Variants in GPR107 observed in about 807,000 individuals in gnomAD.
The protein encoded by GPR107 is protein GPR107.
In GPR107, 31 loss-of-function variants were observed where a neutral mutation model predicts 75.5. The observed-to-expected ratio is 0.41, with a 90% CI of 0.31 to 0.55. The LOEUF is 0.55. Ranked by LOEUF, GPR107 falls within the 20% of genes least tolerant of loss-of-function variation. GPR107 has a pLI of 0.26. For missense variants in GPR107, 572 were observed against 665.7 expected, an observed-to-expected ratio of 0.86 and a Z score of 1.55; for synonymous variants, 267 against 251.3, an observed-to-expected ratio of 1.06 and a Z score of -0.59.
At chr9:130,106,338 C>A (rs1378431420) in intron 13 of GPR107, among the ~76,000 whole-genome samples, 1 of 152,000 alleles carries the variant, frequency 6.6e-6, no homozygotes, top group Non-Finnish European at 1.5e-5. Context: ...GTGGTTCACG[C>A]CTGTAATCCC....
At chr9:130,079,913 TAAAG>T (rs956481693) in intron 5 of GPR107, 144 bp downstream of exon 5, 161 of 494,268 alleles carry the variant, frequency 3.3e-4, no homozygotes, top group African/African-American at 2.7e-3. Context: ...ACGTAAATGT[TAAAG>T]AAAAATGTGG....
chr9:130,075,875 CG>C, intron 2 of GPR107, 126 bp downstream of exon 2: 1 of 542,676 alleles, frequency 1.8e-6, no homozygotes. Context: ...CTCCACCTCC[CG>C]GGTTCAAGCA....
At position 130,055,687 on chromosome 9, in the gene GPR107, A is replaced by T. The variant is rs192171563; in HGVS notation, c.141+1614A>T. On this transcript the variant is annotated intron_variant, in intron 1 of 17. Transcript: ENST00000347136. ...TGACTGGGCACGGTGGCTCACACCT[A>T]TAATCCTAGCACTTTGGGAGGCCGA... Among the ~76,000 whole-genome samples, 63 of 150,954 alleles carry T rather than the reference A, an allele frequency of 4.2e-4. 1 individual carries two copies. The highest frequency in any genetic ancestry group is 1.5e-3 in the African/African-American group (60 of 41,142).
At chr9:130,060,611 C>T (rs1305667228) in intron 1 of GPR107, among the ~76,000 whole-genome samples, 1 of 151,868 alleles carries the variant, frequency 6.6e-6, no homozygotes, top group Non-Finnish European at 1.5e-5. Flanking sequence ...CAAAAATTGT[C>T]TAAATATGAT....
At position 130,053,966 on chromosome 9, in the gene GPR107, TC is replaced by T; in HGVS notation, c.37del (p.Arg13AlafsTer38). The T allele has an allele frequency of 6.4e-7, 1 of 1,555,026 alleles. No individual in the cohort carries two copies. The highest frequency in any genetic ancestry group is 1.9e-5 in the Admixed American group (1 of 51,798). Reference protein sequence around the residue: ...AALAPVGSPASRGPRLAAGLR... With the variant: ...AALAPVGSPAXRGPRLAAGLR... ...TCTGGCGCCCGTCGGCTCCCCCGCC[TC>T]CCGCGGTCCTAGGCTGGCCGCGGGC... On this transcript the variant is annotated frameshift_variant, in exon 1 of 18. Coordinates refer to ENST00000347136, the MANE Select transcript of GPR107 (RefSeq NM_020960.5). LOFTEE classifies it high-confidence loss of function.
intron 6 of GPR107, among the ~76,000 whole-genome samples, chr9:130,084,830 G>A (rs80141226): frequency 0.011 from 1,649 of 151,974 alleles, 30 homozygotes; most frequent in African/African-American, 0.038. Context: ...GCACTTACAT[G>A]ATGTAGGATC....
chr9:130,090,320 ATTC>A (rs1457997108), intron 7 of GPR107, among the ~76,000 whole-genome samples: 33 of 152,324 alleles, frequency 2.2e-4, no homozygotes, highest in African/African-American at 7.9e-4. Flanking sequence ...AGCCTTTATT[ATTC>A]TTCTCTAAAA....
chr9:130,139,153 T>C lies in GPR107; in HGVS notation c.*4032T>C, dbSNP rs2132670078. The C allele has an allele frequency of 6.6e-6, 1 of 152,378 alleles. No homozygotes were observed. The highest frequency in any genetic ancestry group is 2.1e-4 in the South Asian group (1 of 4,832). 9.4% of individuals were successfully genotyped at this position (152,378 alleles called of 1,614,324 possible). A position where few individuals can be genotyped will look rare whatever the true frequency, so the allele number is the denominator to read the frequency against. On this transcript the variant is annotated 3_prime_UTR_variant, in exon 18 of 18. Coordinates refer to ENST00000347136, the MANE Select transcript of GPR107 (RefSeq NM_020960.5). ...AGCTAAGTCCAGGATGCCTGTGGCCTGCGGCTTGATTCTTCCCTTTAGGAT... is the reference window on the plus strand; with the variant it reads ...AGCTAAGTCCAGGATGCCTGTGGCCCGCGGCTTGATTCTTCCCTTTAGGAT...
chr9:130,053,928 C>T lies in GPR107; in HGVS notation c.-5C>T. 2 of 1,557,792 alleles carry T rather than the reference C, an allele frequency of 1.3e-6. No individual in the cohort carries two copies. The highest frequency in any genetic ancestry group is 1.4e-5 in the African/African-American group (1 of 73,560). On this transcript the variant is annotated 5_prime_UTR_variant, in exon 1 of 18. The change creates a premature stop within an existing upstream ORF in the 5' untranslated region. Coordinates refer to ENST00000347136, the MANE Select transcript of GPR107 (RefSeq NM_020960.5). ...GAGGAAGCGGCTGGTGATGCTGGAA[C>T]AAACATGGCCGCTCTGGCGCCCGTC...
chr9:130,068,274 CCCTGCTCGTTGCT>C (rs1178769638), intron 1 of GPR107, among the ~76,000 whole-genome samples: 4 of 151,906 alleles, frequency 2.6e-5, no homozygotes, highest in Non-Finnish European at 5.9e-5. Flanking sequence ...CCACAGTGGC[CCCTGCTCGTTGCT>C]CCAGAGAATG....
intron 14 of GPR107, among the ~76,000 whole-genome samples, chr9:130,115,252 C>T (rs951712715): frequency 6.6e-6 from 1 of 152,058 alleles, no homozygotes. Flanking sequence ...TTAATAACCT[C>T]TTCTTTAGAT....
chr9:130,086,520 C>T lies in GPR107; in HGVS notation c.621+44C>T, dbSNP rs2302412. The stretch of plus-strand genomic sequence containing the variant: ...TAAAGCCTCCTAGAATTTCTCTCTA[C>T]CATGTAAAAGGGTAATTTTTTTTTA... On this transcript the variant is annotated intron_variant, in intron 7 of 17. Coordinates refer to ENST00000347136, the MANE Select transcript of GPR107 (RefSeq NM_020960.5). 2,529 of 1,146,370 alleles carry T rather than the reference C, an allele frequency of 2.2e-3. 42 individuals are homozygous for T. The East Asian group carries it at 0.033, about 15-fold the overall frequency. The allele number at this position is 1,146,370 out of a possible 1,614,324, so 71.0% of individuals were successfully genotyped here.
intron 9 of GPR107, among the ~76,000 whole-genome samples, chr9:130,095,353 C>G (rs1830838654): frequency 6.6e-6 from 1 of 152,160 alleles, no homozygotes; most frequent in South Asian, 2.1e-4. Context: ...TGGCAATAGT[C>G]ATTGTCACTG....
At chr9:130,107,334 A>AT (rs1419472961) in intron 13 of GPR107, among the ~76,000 whole-genome samples, 162 bp from the exon 14 acceptor site, 17 of 152,118 alleles carry the variant, frequency 1.1e-4, no homozygotes, top group Admixed American at 3.9e-4. Context: ...GATATCAACC[A>AT]TTTCCCCCCC....
chr9:130,097,612 T>C (rs1830907439), intron 9 of GPR107, among the ~76,000 whole-genome samples: 1 of 152,188 alleles, frequency 6.6e-6, no homozygotes, highest in Admixed American at 6.5e-5. Context: ...TAAAGTGGTA[T>C]CTTGCTTTAT....
intron 5 of GPR107, among the ~76,000 whole-genome samples, 159 bp downstream of exon 5, chr9:130,079,928 A>G (rs1830452661): frequency 6.6e-6 from 1 of 152,250 alleles, no homozygotes; most frequent in South Asian, 2.1e-4. Flanking sequence ...AAAAATGTGG[A>G]AAATCTGAAG....
chr9:130,097,155 C>CTTTTTTTTTTTTTTTTTTTTTTTTT (rs71387312), intron 9 of GPR107, among the ~76,000 whole-genome samples: 1 of 130,172 alleles, frequency 7.7e-6, no homozygotes, highest in African/African-American at 2.9e-5. Flanking sequence ...TCTTTTTTTT[C>CTTTTTTTTTTTTTTTTTTTTTTTTT]TTTTTTTTTT....
intron 1 of GPR107, among the ~76,000 whole-genome samples, chr9:130,061,092 G>A (rs1829915695): frequency 6.6e-6 from 1 of 152,152 alleles, no homozygotes. Context: ...CATGCCTTCT[G>A]TCTCTTACTC....
intron 1 of GPR107, among the ~76,000 whole-genome samples, chr9:130,058,891 T>A (rs942266903): frequency 1.3e-5 from 2 of 152,210 alleles, no homozygotes; most frequent in African/African-American, 2.4e-5. Flanking sequence ...TATATCTTCT[T>A]TTGCTTAGCA....
Sources: allele counts gnomAD v4.1 joint callset (sites outside exome capture counted in the v4.1 genomes callset), GRCh38; gene constraint gnomAD v4.1.1; transcripts MANE v1.5; gene names NCBI Gene and HGNC (gene_info 2026-07-23, HGNC 2026-07-21).